Variants in RBM20 observed in about 807,000 individuals in gnomAD.
RBM20 encodes RNA-binding protein 20.
A neutral mutation model predicts 110.1 loss-of-function variants in RBM20; 51 were observed. That is an observed-to-expected ratio of 0.46 (90% CI 0.37 to 0.59). The LOEUF is 0.59. RBM20 is among the 20% of genes least tolerant of loss of function. The pLI, the probability that RBM20 is intolerant of heterozygous loss-of-function variation, is 0.00. For synonymous variants in RBM20, 589 were observed against 618.2 expected (o/e 0.95, Z 0.70); for missense variants, 1,512 against 1,574.9 (o/e 0.96, Z 0.68).
At chr10:110,665,736 ATTAT>A (rs1590603858) in intron 1 of RBM20, among the ~76,000 whole-genome samples, 2 of 152,282 alleles carry the variant, frequency 1.3e-5, no homozygotes, top group South Asian at 4.1e-4. Flanking sequence ...TTATTCATGT[ATTAT>A]TTATTTGATT....
At chr10:110,788,277 A>T (rs1844444748) in intron 5 of RBM20, among the ~76,000 whole-genome samples, 1 of 152,106 alleles carries the variant, frequency 6.6e-6, no homozygotes, top group Non-Finnish European at 1.5e-5. Context: ...GGTGACAGGG[A>T]CTTCTCTGGC....
chr10:110,766,771 C>A (rs1160779579), intron 1 of RBM20, among the ~76,000 whole-genome samples: 1,252 of 124,978 alleles, frequency 0.01, no homozygotes, highest in African/African-American at 0.024. Context: ...ATCTTTTCCC[C>A]GCCTTTCCCC....
intron 1 of RBM20, among the ~76,000 whole-genome samples, chr10:110,680,703 C>G (rs1460078119): frequency 6.6e-6 from 1 of 152,180 alleles, no homozygotes; most frequent in Admixed American, 6.5e-5. Context: ...TGTGACCCAC[C>G]TTTCATAGTG....
chr10:110,731,426 G>A lies in RBM20; in HGVS notation c.192-49375G>A, dbSNP rs568099156. Among the ~76,000 whole-genome samples, 7 of 152,180 alleles carry A rather than the reference G, an allele frequency of 4.6e-5. No individual in the cohort carries two copies. In the South Asian group the frequency reaches 1.2e-3, roughly 27 times the overall value. ...AAAATTGTGTTTTGGATTTCCACAA[G>A]TTCAGTAATGTTCTATCCATAGGTT... On this transcript the variant is annotated intron_variant, in intron 1 of 13. Transcript: ENST00000369519.
chr10:110,704,401 A>AAAAATGCCT (rs1862806095), intron 1 of RBM20, among the ~76,000 whole-genome samples: 1 of 152,216 alleles, frequency 6.6e-6, no homozygotes, highest in East Asian at 1.9e-4. Context: ...TTTCTCTGGG[A>AAAAATGCCT]AAAATGCCTA....
chr10:110,772,986 AG>A lies in RBM20; in HGVS notation c.192-7814del, dbSNP rs549509168. On this transcript the variant is annotated intron_variant, in intron 1 of 13. Coordinates refer to ENST00000369519, the MANE Select transcript of RBM20 (RefSeq NM_001134363.3). Reference sequence around the variant, plus strand: ...CCAGCTTTCTCATTTTACAAAAAAAAGAACTCCCTGAGATCCAGGGAAACTA... The same window carrying A: ...CCAGCTTTCTCATTTTACAAAAAAAAAACTCCCTGAGATCCAGGGAAACTA... Among the ~76,000 whole-genome samples the A allele has an allele frequency of 4.0e-3, 609 of 152,338 alleles. 5 individuals carry two copies. Among genetic ancestry groups the A allele is most frequent in the African/African-American group, 0.014 (579 of 41,576 alleles).
chr10:110,833,886 A>G (rs539272771), intron 13 of RBM20, among the ~76,000 whole-genome samples: 24 of 152,244 alleles, frequency 1.6e-4, no homozygotes, highest in African/African-American at 5.8e-4. Flanking sequence ...AGCGGCTTTG[A>G]CAGAATGCCT....
chr10:110,684,753 C>G (rs5027482), intron 1 of RBM20, among the ~76,000 whole-genome samples: 1 of 104,262 alleles, frequency 9.6e-6, no homozygotes, highest in South Asian at 3.8e-4. Context: ...GATTTTAATA[C>G]TTTAAAAAAA....
At chr10:110,793,191 C>T (rs182184531) in intron 5 of RBM20, among the ~76,000 whole-genome samples, 2 of 152,314 alleles carry the variant, frequency 1.3e-5, no homozygotes, top group East Asian at 1.9e-4. Flanking sequence ...TAATCAGCGG[C>T]TGAGCTGGGG....
At chr10:110,761,208 C>T (rs1843997755) in intron 1 of RBM20, 1 of 151,776 alleles carries the variant, frequency 6.6e-6, no homozygotes, top group Admixed American at 6.6e-5. Context: ...CACGGTCAGG[C>T]CTAGTTAGTA....
chr10:110,669,233 A>C lies in RBM20; in HGVS notation c.191+24588A>C, dbSNP rs563391938. Among the ~76,000 whole-genome samples the C allele has an allele frequency of 9.9e-5, 15 of 152,224 alleles. No homozygotes were observed. In the South Asian group the frequency reaches 3.1e-3, roughly 32 times the overall value. The stretch of plus-strand genomic sequence containing the variant: ...TTGCTTATGGCTGGAGAACTATGAA[A>C]GTGTTTCCAGATAGCCTGAGAGGGA... On this transcript the variant is annotated intron_variant, in intron 1 of 13. Transcript: ENST00000369519.
intron 11 of RBM20, among the ~76,000 whole-genome samples, chr10:110,822,188 A>G (rs1844922955): frequency 1.3e-5 from 2 of 152,136 alleles, no homozygotes; most frequent in South Asian, 4.2e-4. Flanking sequence ...CTCAGGGCAG[A>G]CTTCTCTGCA....
At chr10:110,776,266 C>T (rs1210613172) in intron 1 of RBM20, among the ~76,000 whole-genome samples, 1 of 152,226 alleles carries the variant, frequency 6.6e-6, no homozygotes, top group Non-Finnish European at 1.5e-5. Flanking sequence ...CTACCACCGC[C>T]TCTCTAGTGG....
chr10:110,668,992 A>G (rs1030637538), intron 1 of RBM20, among the ~76,000 whole-genome samples: 1 of 151,832 alleles, frequency 6.6e-6, no homozygotes, highest in Non-Finnish European at 1.5e-5. Context: ...TGGAAAACAT[A>G]TTTACAGTTT....
rs778742738 is a variant in RBM20, at chr10:110,784,442, G to A, written c.1429+10G>A. 3 of 1,547,114 alleles carry A rather than the reference G, an allele frequency of 1.9e-6. No homozygotes were observed. The highest frequency in any genetic ancestry group is 2.6e-6 in the Non-Finnish European group (3 of 1,143,146). On this transcript the variant is annotated intron_variant, in intron 4 of 13. Coordinates refer to ENST00000369519, the MANE Select transcript of RBM20 (RefSeq NM_001134363.3). ...CCTGCTGGGAATGAAGGTGAGCAAGGCCCTACAGGTCAGCAGCTTGAAGCA... is the reference window on the plus strand; with the variant it reads ...CCTGCTGGGAATGAAGGTGAGCAAGACCCTACAGGTCAGCAGCTTGAAGCA...
intron 1 of RBM20, among the ~76,000 whole-genome samples, chr10:110,767,457 T>G (rs1321751761): frequency 1.5e-5 from 2 of 135,396 alleles, no homozygotes; most frequent in Non-Finnish European, 1.6e-5. Flanking sequence ...CCAGACGGGG[T>G]GGCTGCCGGG....
rs547800602 is a variant in RBM20 at position 110,713,949 on chromosome 10, A to G, written c.192-66852A>G. 1.2e-4 allele frequency among the ~76,000 whole-genome samples: 18 copies of G among 152,310 alleles called. No homozygotes were observed. In the South Asian group the frequency reaches 3.7e-3, roughly 32 times the overall value. On this transcript the variant is annotated intron_variant, in intron 1 of 13. Transcript: ENST00000369519. ...CATTGTGAAGACTGATAATATTCAG[A>G]TGTATTAATCCCTAGAAGATACATG...
rs114809911 is a variant in RBM20 at position 110,676,496 on chromosome 10, C to T, written c.191+31851C>T. Among the ~76,000 whole-genome samples the T allele has an allele frequency of 4.6e-3, 698 of 152,340 alleles. 4 individuals are homozygous for T. Among genetic ancestry groups the T allele is most frequent in the African/African-American group, 0.016 (655 of 41,572 alleles). ...AAGATGAAATGCTAATTCTAACTAT[C>T]GCTCTCAGAATTTATGGGGCAACAT... On this transcript the variant is annotated intron_variant, in intron 1 of 13. Coordinates refer to ENST00000369519, the MANE Select transcript of RBM20 (RefSeq NM_001134363.3).
At chr10:110,802,771 A>C (rs1844645843) in intron 7 of RBM20, among the ~76,000 whole-genome samples, 1 of 152,222 alleles carries the variant, frequency 6.6e-6, no homozygotes, top group Admixed American at 6.5e-5. Flanking sequence ...AGAAGTAGCA[A>C]GCTGGCGAGG....
Sources: gnomAD v4.1 joint callset for allele counts (sites outside exome capture counted in the v4.1 genomes callset) on GRCh38, gnomAD v4.1.1 for gene constraint, MANE v1.5 for transcripts, NCBI Gene and HGNC (gene_info 2026-07-23, HGNC 2026-07-21) for gene names.